Variants in GBE1 observed in about 807,000 individuals in gnomAD.
The protein encoded by GBE1 is 1,4-alpha-glucan-branching enzyme.
A neutral mutation model predicts 88.8 loss-of-function variants in GBE1; 70 were observed. That is an observed-to-expected ratio of 0.79 (90% CI 0.65 to 0.96). The LOEUF (loss-of-function observed/expected upper bound fraction) is 0.96. Ranked by LOEUF, GBE1 falls within the 40% of genes least tolerant of loss-of-function variation. The pLI, the probability that GBE1 is intolerant of heterozygous loss-of-function variation, is 0.00. For synonymous variants in GBE1, 284 were observed against 300.1 expected (o/e 0.95, Z 0.56); for missense variants, 872 against 871.0 (o/e 1.00, Z -0.01).
At chr3:81,536,420 G>T (rs1559637499) in intron 13 of GBE1, among the ~76,000 whole-genome samples, 1 of 151,622 alleles carries the variant, frequency 6.6e-6, no homozygotes, top group Non-Finnish European at 1.5e-5. Flanking sequence ...GGACAGACAG[G>T]CTCATGAAAA....
chr3:81,598,101 C>T (rs1321633233), intron 7 of GBE1, among the ~76,000 whole-genome samples: 2 of 151,806 alleles, frequency 1.3e-5, no homozygotes, highest in Non-Finnish European at 2.9e-5. Context: ...GCCTAATGTT[C>T]TATTTATTTG....
intron 1 of GBE1, among the ~76,000 whole-genome samples, chr3:81,729,898 G>A (rs1047451021): frequency 3.3e-5 from 5 of 152,118 alleles, no homozygotes; most frequent in African/African-American, 1.2e-4. Context: ...ATAAACCTCA[G>A]AATGTTACCA....
At chr3:81,706,719 C>G (rs144700365) in intron 1 of GBE1, among the ~76,000 whole-genome samples, 71 of 152,132 alleles carry the variant, frequency 4.7e-4, no homozygotes, top group African/African-American at 1.4e-3. Flanking sequence ...ACAAATACTT[C>G]ACATTATACA....
At chr3:81,607,835 GTTTTA>G (rs1279602102) in intron 7 of GBE1, among the ~76,000 whole-genome samples, 1 of 151,720 alleles carries the variant, frequency 6.6e-6, no homozygotes, top group Non-Finnish European at 1.5e-5. Context: ...CAACACTTAA[GTTTTA>G]TTTTAATTCA....
At chr3:81,498,113 A>G (rs13082940) in intron 15 of GBE1, among the ~76,000 whole-genome samples, 34,082 of 152,052 alleles carry the variant, frequency 0.22, 4,097 homozygotes, top group East Asian at 0.43. Flanking sequence ...CTCACAACCC[A>G]TAATCCAGCA....
chr3:81,738,652 A>T (rs1161007355), intron 1 of GBE1, among the ~76,000 whole-genome samples: 2 of 152,182 alleles, frequency 1.3e-5, no homozygotes, highest in Non-Finnish European at 2.9e-5. Flanking sequence ...ATACCCTGGA[A>T]TGTAATTCCT....
At chr3:81,528,946 T>C (rs1016622237) in intron 14 of GBE1, among the ~76,000 whole-genome samples, 25 of 152,078 alleles carry the variant, frequency 1.6e-4, no homozygotes, top group African/African-American at 5.5e-4. Flanking sequence ...TGTTTTTGAT[T>C]GGAGAGTTCA....
intron 12 of GBE1, among the ~76,000 whole-genome samples, chr3:81,568,470 T>G (rs958375306): frequency 6.5e-5 from 5 of 77,338 alleles, no homozygotes; most frequent in Admixed American, 6.1e-4. Context: ...CATTTGCAGG[T>G]TTTTTATTTG....
intron 1 of GBE1, among the ~76,000 whole-genome samples, chr3:81,755,539 T>A (rs894720048): frequency 3.9e-5 from 6 of 152,206 alleles, no homozygotes; most frequent in Admixed American, 2.6e-4. Context: ...ATTGCAGCCC[T>A]ATTCACAATA....
At chr3:81,534,507 A>T (rs1276312415) in intron 14 of GBE1, among the ~76,000 whole-genome samples, 1 of 152,000 alleles carries the variant, frequency 6.6e-6, no homozygotes, top group Non-Finnish European at 1.5e-5. Flanking sequence ...CATAGAGAAC[A>T]TCAAAAACAT....
intron 9 of GBE1, among the ~76,000 whole-genome samples, chr3:81,589,598 A>T (rs1703848823): frequency 6.8e-6 from 1 of 146,812 alleles, no homozygotes; most frequent in Non-Finnish European, 1.5e-5. Context: ...TAATCAGACC[A>T]GAGCTCCCTA....
rs920545134 is a variant in GBE1, at chr3:81,667,851, G to A, written c.429+2987C>T. Among the ~76,000 whole-genome samples, 6 of 152,176 alleles carry A rather than the reference G, an allele frequency of 3.9e-5. 1 individual carries two copies. Among genetic ancestry groups the A allele is most frequent in the Admixed American group, 1.3e-4 (2 of 15,294 alleles). ...ATGTGCTGCTGGATTCGGTTTGCCC[G>A]TATTTTATTGAGGACTTTTGCATTG... On this transcript the variant is annotated intron_variant, in intron 3 of 15. Coordinates refer to ENST00000429644, the MANE Select transcript of GBE1 (RefSeq NM_000158.4).
chr3:81,745,685 A>G (rs1706411690), intron 1 of GBE1, among the ~76,000 whole-genome samples: 1 of 152,112 alleles, frequency 6.6e-6, no homozygotes, highest in African/African-American at 2.4e-5. Flanking sequence ...TGACAGGTAA[A>G]ATATCTCATC....
intron 7 of GBE1, among the ~76,000 whole-genome samples, chr3:81,599,475 CTA>C (rs1170560303): frequency 2.6e-5 from 4 of 152,142 alleles, no homozygotes; most frequent in Admixed American, 6.6e-5. Context: ...GGAGAGCCTA[CTA>C]CTACACACCT....
At chr3:81,569,626 T>G (rs1703545863) in intron 12 of GBE1, among the ~76,000 whole-genome samples, 2 of 152,162 alleles carry the variant, frequency 1.3e-5, no homozygotes, top group African/African-American at 2.4e-5. Flanking sequence ...TGGCCATCCA[T>G]GTACCCAGTT....
chr3:81,625,223 A>G (rs979069157), intron 7 of GBE1, among the ~76,000 whole-genome samples: 4 of 152,160 alleles, frequency 2.6e-5, no homozygotes, highest in African/African-American at 9.7e-5. Flanking sequence ...AGTTAAGAGA[A>G]TACTATCTAA....
chr3:81,548,716 G>A (rs1385347069), intron 12 of GBE1, among the ~76,000 whole-genome samples: 4 of 150,796 alleles, frequency 2.7e-5, no homozygotes, highest in Admixed American at 2.0e-4. Flanking sequence ...GCAGGTTTCT[G>A]ATTACTTTGA....
In GBE1 at chr3:81,621,564, C is replaced by T. The variant is rs140792208; in HGVS notation, c.992+21217G>A. On this transcript the variant is annotated intron_variant, in intron 7 of 15. Transcript: ENST00000429644. Reference sequence around the variant, plus strand: ...AGTACCCTCATCCAACAATTCTTCACCCCCCAACAGAAAATTACTCCTAAC... The same window carrying T: ...AGTACCCTCATCCAACAATTCTTCATCCCCCAACAGAAAATTACTCCTAAC... 6.9e-3 allele frequency among the ~76,000 whole-genome samples: 1,052 copies of T among 152,184 alleles called. 15 individuals carry two copies. The highest frequency in any genetic ancestry group is 8.0e-3 in the Non-Finnish European group (547 of 68,000).
rs1271648603 is a variant in GBE1, at chr3:81,493,360, G to A, written c.2053-2897C>T. ...CAGGTCTCTGTTAGTGCGTGTTATA[G>A]TGACATATCTCAGATTTGGATCCTA... On this transcript the variant is annotated intron_variant, in intron 15 of 15. Coordinates refer to ENST00000429644, the MANE Select transcript of GBE1 (RefSeq NM_000158.4). Among the ~76,000 whole-genome samples, 5 of 152,176 alleles carry A rather than the reference G, an allele frequency of 3.3e-5. No homozygotes were observed. The East Asian group carries it at 9.7e-4, about 29-fold the overall frequency.
Sources: gnomAD v4.1 joint callset for allele counts (sites outside exome capture counted in the v4.1 genomes callset) on GRCh38, gnomAD v4.1.1 for gene constraint, MANE v1.5 for transcripts, NCBI Gene and HGNC (gene_info 2026-07-23, HGNC 2026-07-21) for gene names.